The following CACNA1C variants were observed in gnomAD, a reference collection of about 807,000 sequenced individuals.
The protein encoded by CACNA1C is calcium voltage-gated channel subunit alpha1 C, also known as voltage-dependent L-type calcium channel subunit alpha-1C.
In CACNA1C, 30 loss-of-function variants were observed where a neutral mutation model predicts 229.0. That is an observed-to-expected ratio of 0.13 (90% CI 0.10 to 0.18). The LOEUF (loss-of-function observed/expected upper bound fraction) is 0.18, where lower values mean the gene tolerates loss of function less well. Ranked by LOEUF, CACNA1C falls within the 10% of genes least tolerant of loss-of-function variation. The pLI is 1.00. For synonymous variants in CACNA1C, 1,114 were observed against 1,132.5 expected (o/e 0.98, Z 0.33); for missense variants, 1,658 against 2,845.0 (o/e 0.58, Z 9.49).
At position 2,695,936 on chromosome 12, in the gene CACNA1C, G is replaced by A. The variant is rs975739886; in HGVS notation, c.*4737G>A. On this transcript the variant is annotated 3_prime_UTR_variant, in exon 47 of 47. Transcript: ENST00000399655. Reference sequence around the variant, plus strand: ...CACACACCGTTAAGGCACAAGGGCTGGGGTTGAGCTCTAGATGAGGGACTT... The same window carrying A: ...CACACACCGTTAAGGCACAAGGGCTAGGGTTGAGCTCTAGATGAGGGACTT... The A allele has an allele frequency of 6.6e-6, 1 of 152,286 alleles. No individual in the cohort carries two copies. Among genetic ancestry groups the A allele is most frequent in the African/African-American group, 2.4e-5 (1 of 41,444 alleles). The allele number at this position is 152,286 out of a possible 1,614,324, so 9.4% of individuals were successfully genotyped here.
Position 2,595,300 on chromosome 12 carries a change from A to G in CACNA1C, c.2664-574A>G, listed in dbSNP as rs571556051. Among the ~76,000 whole-genome samples, 45 of 152,012 alleles carry G rather than the reference A, an allele frequency of 3.0e-4. No individual in the cohort carries two copies. Among genetic ancestry groups the G allele is most frequent in the Non-Finnish European group, 5.9e-4 (40 of 68,004 alleles). ...ATGACACCCATCCCTTCCTTCCTAC[A>G]TTGCTGTCAAGATGAGATGGTGTAC... On this transcript the variant is annotated intron_variant, in intron 19 of 46. Coordinates refer to ENST00000399655, the MANE Select transcript of CACNA1C (RefSeq NM_000719.7). The surrounding 1 kb of genome is among the most constrained non-coding windows in gnomAD (Gnocchi z 4.1).
chr12:2,038,650 T>G (rs1324035525), intron 1 of CACNA1C, among the ~76,000 whole-genome samples: 1 of 152,190 alleles, frequency 6.6e-6, no homozygotes, highest in Non-Finnish European at 1.5e-5. Flanking sequence ...CAGGAACTAT[T>G]TCTGGAGATA....
rs2097845264 is a variant in CACNA1C, at chr12:2,696,764, C to G, written c.*5565C>G. Reference sequence around the variant, plus strand: ...ATCTTAGAGATCTCAAGTTTATTACCAAGGGAATAAGGAAAAAAAGGTGAG... The same window carrying G: ...ATCTTAGAGATCTCAAGTTTATTACGAAGGGAATAAGGAAAAAAAGGTGAG... On this transcript the variant is annotated 3_prime_UTR_variant, in exon 47 of 47. Coordinates refer to ENST00000399655, the MANE Select transcript of CACNA1C (RefSeq NM_000719.7). 1 of 151,958 alleles carries G rather than the reference C, an allele frequency of 6.6e-6. No individual in the cohort carries two copies. Among genetic ancestry groups the G allele is most frequent in the African/African-American group, 2.4e-5 (1 of 41,354 alleles). The allele number at this position is 151,958 out of a possible 1,614,324, so 9.4% of individuals were successfully genotyped here.
intron 3 of CACNA1C, chr12:2,220,457 CACTAGATGTGAAGGGGTGCTGAT>C: frequency 6.6e-6 from 1 of 152,322 alleles, no homozygotes; most frequent in East Asian, 1.9e-4. Context: ...GAGGTGCTGA[CACTAGATGTGAAGGGGTGCTGAT>C]ACTAGGTGTG....
At chr12:2,450,571 A>AAAAAAAAAAAAAAAC (rs2099359822) in intron 4 of CACNA1C, among the ~76,000 whole-genome samples, 2 of 149,456 alleles carry the variant, frequency 1.3e-5, no homozygotes, top group African/African-American at 5.0e-5. Context: ...AAAAAAAAAA[A>AAAAAAAAAAAAAAAC]AAAAAAACGC....
intron 3 of CACNA1C, among the ~76,000 whole-genome samples, chr12:2,341,382 T>A (rs16929293): frequency 6.6e-6 from 1 of 152,162 alleles, no homozygotes; most frequent in African/African-American, 2.4e-5. Flanking sequence ...ATCTGATGTC[T>A]AAGAACCCCA....
At chr12:2,274,084 C>T (rs1045385544) in intron 3 of CACNA1C, among the ~76,000 whole-genome samples, 1 of 152,192 alleles carries the variant, frequency 6.6e-6, no homozygotes, top group African/African-American at 2.4e-5. Context: ...GGCATAAGGT[C>T]CCACTTGGGT....
At chr12:2,468,607 G>A (rs1247899633) in intron 5 of CACNA1C, among the ~76,000 whole-genome samples, 1 of 152,254 alleles carries the variant, frequency 6.6e-6, no homozygotes, top group East Asian at 1.9e-4. Flanking sequence ...CTTCTGGGCT[G>A]TAGGGCGCCC....
intron 13 of CACNA1C, among the ~76,000 whole-genome samples, chr12:2,570,399 T>G (rs1385539168): frequency 1.3e-5 from 2 of 152,000 alleles, no homozygotes; most frequent in Non-Finnish European, 2.9e-5. Flanking sequence ...TCACATGGTG[T>G]TGTGGATGGT....
chr12:2,366,536 G>A (rs548279817), intron 3 of CACNA1C, among the ~76,000 whole-genome samples: 3 of 152,294 alleles, frequency 2.0e-5, no homozygotes, highest in African/African-American at 7.2e-5. Flanking sequence ...ATGAGTTAAA[G>A]TTTTGTTTTG....
At chr12:2,686,361 C>T in intron 45 of CACNA1C, 92 bp downstream of exon 45, 2 of 986,532 alleles carry the variant, frequency 2.0e-6, no homozygotes, top group Non-Finnish European at 3.3e-6. Context: ...TTCAGTGGGT[C>T]TTGCCTGTCT....
At chr12:2,609,986 G>A (rs867828256) in intron 27 of CACNA1C, among the ~76,000 whole-genome samples, 4 of 152,120 alleles carry the variant, frequency 2.6e-5, no homozygotes, top group African/African-American at 7.2e-5. Context: ...TTAGCTGGGC[G>A]TTGTGGCGTG....
intron 3 of CACNA1C, among the ~76,000 whole-genome samples, chr12:2,317,452 TATAG>T (rs1328473804): frequency 6.6e-6 from 1 of 152,100 alleles, no homozygotes; most frequent in Non-Finnish European, 1.5e-5. Context: ...TAATGGAATT[TATAG>T]AGATGGGAAG....
At chr12:2,065,626 A>G (rs888260324) in intron 1 of CACNA1C, among the ~76,000 whole-genome samples, 2 of 152,224 alleles carry the variant, frequency 1.3e-5, no homozygotes, top group Admixed American at 1.3e-4. Context: ...AAGGCAGAAC[A>G]TGCTTGATGT....
At chr12:2,078,751 C>T (rs2064215585) in intron 1 of CACNA1C, among the ~76,000 whole-genome samples, 1 of 152,110 alleles carries the variant, frequency 6.6e-6, no homozygotes, top group South Asian at 2.1e-4. Flanking sequence ...ACTAGAAATA[C>T]CATTTGACCC....
chr12:2,068,770 C>G (rs1050600769), intron 1 of CACNA1C, among the ~76,000 whole-genome samples: 3 of 152,230 alleles, frequency 2.0e-5, no homozygotes, highest in Non-Finnish European at 2.9e-5. Flanking sequence ...ATCTGGAAAC[C>G]TACTTGCAGA....
intron 3 of CACNA1C, among the ~76,000 whole-genome samples, chr12:2,439,142 T>C (rs945998137): frequency 6.6e-6 from 1 of 152,156 alleles, no homozygotes; most frequent in Non-Finnish European, 1.5e-5. Context: ...ACAGAACAAG[T>C]AGCCTTATGA....
At chr12:2,437,825 A>ATGG (rs541605905) in intron 3 of CACNA1C, among the ~76,000 whole-genome samples, 1 of 117,178 alleles carries the variant, frequency 8.5e-6, no homozygotes, top group South Asian at 3.0e-4. Context: ...GGTGGTGGTA[A>ATGG]TGGTGGTGGT....
At chr12:2,147,232 A>G (rs539532692) in intron 3 of CACNA1C, among the ~76,000 whole-genome samples, 3 of 151,506 alleles carry the variant, frequency 2.0e-5, no homozygotes, top group African/African-American at 4.8e-5. Flanking sequence ...AAATTGAGCA[A>G]TTTAGATTAA....
Sources: gnomAD v4.1 joint callset for allele counts (sites outside exome capture counted in the v4.1 genomes callset) on GRCh38, gnomAD v4.1.1 for gene constraint, Gnocchi (gnomAD v3.1) non-coding constraint, MANE v1.5 for transcripts, NCBI Gene and HGNC (gene_info 2026-07-23, HGNC 2026-07-21) for gene names.